LHFPL6: variants seen among roughly 807,000 people sequenced by gnomAD.
The protein encoded by LHFPL6 is LHFPL tetraspan subfamily member 6 protein.
Under a neutral mutation model 20.6 loss-of-function variants are expected in LHFPL6, and 9 were observed. That is an observed-to-expected ratio of 0.44 (90% CI 0.26 to 0.76). The LOEUF (loss-of-function observed/expected upper bound fraction) is 0.76. Among genes scored for constraint, LHFPL6 ranks in the 30% least tolerant of loss-of-function variants. The pLI, the probability that LHFPL6 is intolerant of heterozygous loss-of-function variation, is 0.20. For synonymous variants in LHFPL6, 105 were observed against 98.7 expected, an observed-to-expected ratio of 1.06 and a Z score of -0.38; for missense variants, 218 against 253.5, an observed-to-expected ratio of 0.86 and a Z score of 0.95.
At chr13:39,552,447 T>G (rs929103561) in intron 2 of LHFPL6, among the ~76,000 whole-genome samples, 1 of 151,394 alleles carries the variant, frequency 6.6e-6, no homozygotes, top group African/African-American at 2.4e-5. Context: ...ACAGCAGGAG[T>G]GAGTACTGGT....
chr13:39,395,388 T>C (rs1870816340), intron 2 of LHFPL6, among the ~76,000 whole-genome samples: 1 of 152,238 alleles, frequency 6.6e-6, no homozygotes, highest in African/African-American at 2.4e-5. Context: ...CCGCTTTTTA[T>C]GGAGTTATCG....
At chr13:39,434,440 C>T (rs1453552945) in intron 2 of LHFPL6, among the ~76,000 whole-genome samples, 1 of 152,156 alleles carries the variant, frequency 6.6e-6, no homozygotes, top group African/African-American at 2.4e-5. Flanking sequence ...ATGAGTGATT[C>T]TAATTTCATT....
At chr13:39,543,855 G>A (rs9315701) in intron 2 of LHFPL6, among the ~76,000 whole-genome samples, 62,038 of 152,056 alleles carry the variant, frequency 0.41, 12,972 homozygotes, top group South Asian at 0.45. Context: ...TTTGTGTAAA[G>A]CAGACAAAGC....
At chr13:39,389,037 T>G (rs979686333) in intron 2 of LHFPL6, among the ~76,000 whole-genome samples, 1 of 152,206 alleles carries the variant, frequency 6.6e-6, no homozygotes, top group African/African-American at 2.4e-5. Context: ...AAGCCGTGCA[T>G]AGACAGAGTT....
chr13:39,430,204 A>G (rs1334799516), intron 2 of LHFPL6, among the ~76,000 whole-genome samples: 1 of 152,170 alleles, frequency 6.6e-6, no homozygotes, highest in African/African-American at 2.4e-5. Flanking sequence ...TGAGAATGTT[A>G]ATGGTTGATT....
intron 2 of LHFPL6, among the ~76,000 whole-genome samples, chr13:39,584,784 C>G (rs543458460): frequency 9.7e-4 from 148 of 152,090 alleles, no homozygotes; most frequent in African/African-American, 3.4e-3. Context: ...CCAACATATA[C>G]CAAACTGCAG....
intron 2 of LHFPL6, among the ~76,000 whole-genome samples, chr13:39,472,923 A>G (rs1420334603): frequency 6.6e-6 from 1 of 152,134 alleles, no homozygotes; most frequent in Admixed American, 6.5e-5. Context: ...CTTCTTTATT[A>G]ACAACAGGCC....
At chr13:39,455,233 G>T (rs940476515) in intron 2 of LHFPL6, among the ~76,000 whole-genome samples, 1 of 152,062 alleles carries the variant, frequency 6.6e-6, no homozygotes, top group Admixed American at 6.5e-5. Flanking sequence ...TGTTCTGGGC[G>T]CCCAGAGCAT....
intron 2 of LHFPL6, among the ~76,000 whole-genome samples, chr13:39,497,767 A>AT (rs1869149539): frequency 6.6e-6 from 1 of 152,144 alleles, no homozygotes; most frequent in African/African-American, 2.4e-5. Context: ...CTTAGGGTTT[A>AT]TTTTCTCCTC....
At chr13:39,529,751 A>T (rs1269223307) in intron 2 of LHFPL6, among the ~76,000 whole-genome samples, 1 of 152,226 alleles carries the variant, frequency 6.6e-6, no homozygotes, top group African/African-American at 2.4e-5. Flanking sequence ...TTCTACTTGC[A>T]CTTTTGCTGT....
At chr13:39,504,677 G>T (rs1869411621) in intron 2 of LHFPL6, among the ~76,000 whole-genome samples, 1 of 152,124 alleles carries the variant, frequency 6.6e-6, no homozygotes. Context: ...CCTCTCTAAT[G>T]ACTTCATTTT....
At chr13:39,441,145 T>C (rs1458292476) in intron 2 of LHFPL6, among the ~76,000 whole-genome samples, 1 of 99,862 alleles carries the variant, frequency 1.0e-5, no homozygotes, top group Non-Finnish European at 2.0e-5. Flanking sequence ...TAATTTTTTT[T>C]TTTTTTTTTT....
intron 2 of LHFPL6, among the ~76,000 whole-genome samples, chr13:39,468,545 G>A (rs1369992153): frequency 6.6e-6 from 1 of 152,040 alleles, no homozygotes; most frequent in African/African-American, 2.4e-5. Flanking sequence ...TAACATTTCT[G>A]TCAGTGGCAT....
chr13:39,469,888 C>A (rs1872900901), intron 2 of LHFPL6, among the ~76,000 whole-genome samples: 1 of 152,194 alleles, frequency 6.6e-6, no homozygotes, highest in Admixed American at 6.5e-5. Context: ...CAGAGGCAGA[C>A]AGGTACAATC....
intron 2 of LHFPL6, among the ~76,000 whole-genome samples, chr13:39,462,044 T>G (rs1029516070): frequency 7.9e-5 from 12 of 152,206 alleles, no homozygotes; most frequent in Non-Finnish European, 2.9e-5. Context: ...GGGGCAGTGC[T>G]TAGCAGAGGT....
intron 2 of LHFPL6, among the ~76,000 whole-genome samples, chr13:39,511,029 C>T (rs886708327): frequency 1.5e-4 from 23 of 152,092 alleles, no homozygotes; most frequent in African/African-American, 5.1e-4. Context: ...CCCACCACCA[C>T]GCCCAGCTAA....
chr13:39,571,854 G>A (rs550268604), intron 2 of LHFPL6, among the ~76,000 whole-genome samples: 3 of 152,342 alleles, frequency 2.0e-5, no homozygotes, highest in Admixed American at 6.5e-5. Flanking sequence ...GTCTGGCCAC[G>A]GGCCCTGCAT....
At chr13:39,588,361 A>G (rs1476705850) in intron 2 of LHFPL6, among the ~76,000 whole-genome samples, 1 of 152,214 alleles carries the variant, frequency 6.6e-6, no homozygotes, top group African/African-American at 2.4e-5. Context: ...AATCCCCTGG[A>G]TTTACAACAT....
At chr13:39,355,509 T>C (rs1214556398) in intron 3 of LHFPL6, among the ~76,000 whole-genome samples, 1 of 152,118 alleles carries the variant, frequency 6.6e-6, no homozygotes, top group African/African-American at 2.4e-5. Flanking sequence ...AACAACATGA[T>C]AACATGATCA....
Sources: allele counts gnomAD v4.1 joint callset (sites outside exome capture counted in the v4.1 genomes callset), GRCh38; gene constraint gnomAD v4.1.1; transcripts MANE v1.5; gene names NCBI Gene and HGNC (gene_info 2026-07-23, HGNC 2026-07-21).